The following RBFOX1 variants were observed in gnomAD, a reference collection of about 807,000 sequenced individuals.
RBFOX1 encodes the protein RNA binding fox-1 homolog 1.
A neutral mutation model predicts 57.7 loss-of-function variants in RBFOX1; 8 were observed. The observed-to-expected ratio is 0.14, with a 90% CI of 0.08 to 0.25. RBFOX1 has a LOEUF of 0.25. RBFOX1 is among the 10% of genes least tolerant of loss of function. The pLI, the probability that RBFOX1 is intolerant of heterozygous loss-of-function variation, is 1.00. For missense variants in RBFOX1, 611 were observed against 548.5 expected, an observed-to-expected ratio of 1.11 and a Z score of -1.14; for synonymous variants, 326 against 222.4, an observed-to-expected ratio of 1.47 and a Z score of -4.15.
chr16:5,665,711 A>G lies in RBFOX1; in HGVS notation c.318+66750A>G, dbSNP rs558314841. Among the ~76,000 whole-genome samples, 4 of 152,280 alleles carry G rather than the reference A, an allele frequency of 2.6e-5. No individual in the cohort carries two copies. In the South Asian group the frequency reaches 6.2e-4, roughly 24 times the overall value. On this transcript the variant is annotated intron_variant, in intron 3 of 19. Transcript: ENST00000641259. ...TCTAACTGTTTCTCCATGTTTACTGAGTGTCCTGATCTTAGCACAGATCCT... is the reference window on the plus strand; with the variant it reads ...TCTAACTGTTTCTCCATGTTTACTGGGTGTCCTGATCTTAGCACAGATCCT...
rs540981760 is a variant in RBFOX1 at position 6,601,734 on chromosome 16, G to A, written c.-63-52869G>A. Among the ~76,000 whole-genome samples, 12 of 152,142 alleles carry A rather than the reference G, an allele frequency of 7.9e-5. No homozygotes were observed. In the East Asian group the frequency reaches 2.3e-3, roughly 29 times the overall value. On this transcript the variant is annotated intron_variant, in intron 2 of 15. Transcript: ENST00000550418. ...AGTCATTCTCCCGGGTATATTTGTT[G>A]AGGTCAAGAGCAAGGAAGGAGAAAA...
At chr16:6,167,010 T>C (rs2096922946) in intron 1 of RBFOX1, among the ~76,000 whole-genome samples, 1 of 152,058 alleles carries the variant, frequency 6.6e-6, no homozygotes, top group South Asian at 2.1e-4. Flanking sequence ...CCTGACCTCA[T>C]GTTCTGCCTG....
At chr16:7,557,631 AAAAAAAAAAAAGAAAAAG>A (rs1601755892) in intron 5 of RBFOX1, among the ~76,000 whole-genome samples, 1 of 126,484 alleles carries the variant, frequency 7.9e-6, no homozygotes, top group Non-Finnish European at 1.9e-5. Context: ...AAAAAAAAAA[AAAAAAAAAAAAGAAAAAG>A]AAAAAAAAAA....
At chr16:5,564,259 C>A (rs931982776) in intron 2 of RBFOX1, among the ~76,000 whole-genome samples, 1 of 152,048 alleles carries the variant, frequency 6.6e-6, no homozygotes, top group African/African-American at 2.4e-5. Flanking sequence ...CTCAGGTAAT[C>A]CACCTGCCTC....
intron 2 of RBFOX1, among the ~76,000 whole-genome samples, chr16:6,443,178 G>A (rs551187190): frequency 6.6e-6 from 1 of 152,246 alleles, no homozygotes; most frequent in South Asian, 2.1e-4. Context: ...CCATGTATAT[G>A]AAGGAAGCAT....
At chr16:6,756,720 C>T (rs377564257) in intron 3 of RBFOX1, among the ~76,000 whole-genome samples, 1 of 152,014 alleles carries the variant, frequency 6.6e-6, no homozygotes, top group African/African-American at 2.4e-5. Context: ...GCCTGTAATC[C>T]CAACACTTTG....
intron 2 of RBFOX1, among the ~76,000 whole-genome samples, chr16:6,508,199 C>G (rs957585865): frequency 6.6e-6 from 1 of 151,876 alleles, no homozygotes; most frequent in Non-Finnish European, 1.5e-5. Flanking sequence ...AACAACACAT[C>G]CTGGGGCCTT....
chr16:6,421,976 A>G (rs2093786756), intron 2 of RBFOX1, among the ~76,000 whole-genome samples: 1 of 135,832 alleles, frequency 7.4e-6, no homozygotes, highest in Non-Finnish European at 1.5e-5. Flanking sequence ...CCTGGAGTGC[A>G]GTGGTGCTAT....
At chr16:5,838,433 T>C (rs1597444632) in intron 3 of RBFOX1, 1 of 156,344 alleles carries the variant, frequency 6.4e-6, no homozygotes, top group South Asian at 1.9e-4. Context: ...GGAACAAGAA[T>C]GGCCCACTGG....
At chr16:5,423,013 AAGG>A (rs1214350335) in intron 1 of RBFOX1, among the ~76,000 whole-genome samples, 2 of 94,440 alleles carry the variant, frequency 2.1e-5, no homozygotes, top group Non-Finnish European at 4.3e-5. Context: ...AAGGAGGAGA[AAGG>A]AGAGGGAGGA....
intron 4 of RBFOX1, among the ~76,000 whole-genome samples, chr16:7,390,143 C>T (rs1217256752): frequency 6.6e-6 from 1 of 152,076 alleles, no homozygotes; most frequent in African/African-American, 2.4e-5. Flanking sequence ...ACAAACAGCT[C>T]TTGTGAAAAC....
chr16:7,261,632 C>T (rs1164121559), intron 4 of RBFOX1, among the ~76,000 whole-genome samples: 1 of 152,192 alleles, frequency 6.6e-6, no homozygotes, highest in African/African-American at 2.4e-5. Flanking sequence ...AACTCAGGCT[C>T]TGTAGGCTCT....
At chr16:6,647,312 C>T (rs1372703741) in intron 2 of RBFOX1, among the ~76,000 whole-genome samples, 2 of 152,118 alleles carry the variant, frequency 1.3e-5, no homozygotes, top group African/African-American at 4.8e-5. Context: ...GACGTGATCT[C>T]AGGGCTCGCT....
At chr16:6,376,763 G>A (rs1380245343) in intron 2 of RBFOX1, among the ~76,000 whole-genome samples, 2 of 152,136 alleles carry the variant, frequency 1.3e-5, no homozygotes, top group Non-Finnish European at 2.9e-5. Context: ...TTACAGTGCT[G>A]GAGGCTGGAA....
rs722648 is a variant in RBFOX1 at position 6,617,700 on chromosome 16, G to C, written c.-63-36903G>C. ...GGAGCCTGCAGTCTTGTGGAGGGAA[G>C]GTGGGCAATAAGGAAGAAGAGACAG... On this transcript the variant is annotated intron_variant, in intron 2 of 15. Coordinates refer to ENST00000550418, the MANE Select transcript of RBFOX1 (RefSeq NM_018723.4). Among the ~76,000 whole-genome samples, 27 of 152,210 alleles carry C rather than the reference G, an allele frequency of 1.8e-4. No individual in the cohort carries two copies. In the East Asian group the frequency reaches 5.1e-3, roughly 28 times the overall value.
At chr16:5,708,257 A>G (rs1201037840) in intron 3 of RBFOX1, among the ~76,000 whole-genome samples, 3 of 152,096 alleles carry the variant, frequency 2.0e-5, no homozygotes, top group Admixed American at 1.3e-4. Context: ...TTGCTTATTC[A>G]TTTGGTAAAT....
chr16:6,537,101 C>A (rs371730037), intron 2 of RBFOX1, among the ~76,000 whole-genome samples: 41 of 152,018 alleles, frequency 2.7e-4, no homozygotes, highest in African/African-American at 9.4e-4. Flanking sequence ...TTCCTTCCAG[C>A]GTTCCATACC....
intron 1 of RBFOX1, among the ~76,000 whole-genome samples, chr16:6,214,212 C>A (rs1009350516): frequency 1.3e-5 from 2 of 152,208 alleles, no homozygotes; most frequent in Non-Finnish European, 2.9e-5. Context: ...TGTTTCCCTT[C>A]TTGTACCCAC....
At chr16:6,892,791 TC>T (rs2065818061) in intron 3 of RBFOX1, among the ~76,000 whole-genome samples, 1 of 77,070 alleles carries the variant, frequency 1.3e-5, no homozygotes, top group Non-Finnish European at 2.9e-5. Flanking sequence ...TCTCTCTCTC[TC>T]TCTCTCTCTC....
Sources: allele counts gnomAD v4.1 joint callset (sites outside exome capture counted in the v4.1 genomes callset), GRCh38; gene constraint gnomAD v4.1.1; transcripts MANE v1.5; gene names NCBI Gene and HGNC (gene_info 2026-07-23, HGNC 2026-07-21).